The following PLEKHH2 variants were observed in gnomAD, a reference collection of about 807,000 sequenced individuals.
PLEKHH2 encodes pleckstrin homology domain-containing family H member 2.
Under a neutral mutation model 187.9 loss-of-function variants are expected in PLEKHH2, and 129 were observed. That is an observed-to-expected ratio of 0.69 (90% CI 0.59 to 0.79). The LOEUF is 0.79. Among genes scored for constraint, PLEKHH2 ranks in the 30% least tolerant of loss-of-function variants. PLEKHH2 has a pLI of 0.00. For synonymous variants in PLEKHH2, 686 were observed against 605.6 expected (o/e 1.13, Z -1.95); for missense variants, 2,076 against 1,751.2 (o/e 1.19, Z -3.31).
chr2:43,740,570 T>TTA (rs1671517448), intron 20 of PLEKHH2, among the ~76,000 whole-genome samples: 1 of 152,218 alleles, frequency 6.6e-6, no homozygotes, highest in Non-Finnish European at 1.5e-5. Flanking sequence ...GGGCATGTGT[T>TTA]TTCTACTGTT....
At chr2:43,715,213 T>C (rs748889671) in intron 15 of PLEKHH2, among the ~76,000 whole-genome samples, 1 of 150,908 alleles carries the variant, frequency 6.6e-6, no homozygotes, top group Non-Finnish European at 1.5e-5. Context: ...GAGATGGAGG[T>C]TGAAATCAGC....
At chr2:43,678,759 G>GAGGTGGAGGCGGAGGTGC (rs1668005624) in intron 2 of PLEKHH2, 104 bp from the exon 3 acceptor site, 1 of 675,878 alleles carries the variant, frequency 1.5e-6, no homozygotes, top group African/African-American at 1.8e-5. Context: ...GGTGGAGGTG[G>GAGGTGGAGGCGGAGGTGC]AGGTGGAGGT....
At chr2:43,712,155 G>A (rs946157343) in intron 14 of PLEKHH2, 70 bp from the exon 15 acceptor site, 10 of 1,542,694 alleles carry the variant, frequency 6.5e-6, no homozygotes, top group African/African-American at 1.4e-5. Context: ...TTTGAATAAT[G>A]AACAAGGAAA....
chr2:43,719,076 C>A (rs1010756860), intron 15 of PLEKHH2, among the ~76,000 whole-genome samples: 4 of 152,180 alleles, frequency 2.6e-5, no homozygotes, highest in African/African-American at 9.7e-5. Context: ...TCATTTGGTT[C>A]TCACAACAGC....
At position 43,675,788 on chromosome 2, in the gene PLEKHH2, C is replaced by T. The variant is rs1192452431; in HGVS notation, c.124-3075C>T. On this transcript the variant is annotated intron_variant, in intron 2 of 29. Coordinates refer to ENST00000282406, the MANE Select transcript of PLEKHH2 (RefSeq NM_172069.4). Reference sequence around the variant, plus strand: ...AAGACAATCCCTCCTTCCACAGTCACGTATTCGAGGTCTCCAAATATAACA... The same window carrying T: ...AAGACAATCCCTCCTTCCACAGTCATGTATTCGAGGTCTCCAAATATAACA... 4.0e-5 allele frequency: 64 copies of T among 1,613,542 alleles called. No individual in the cohort carries two copies. Among genetic ancestry groups the T allele is most frequent in the Non-Finnish European group, 5.1e-5 (60 of 1,179,730 alleles).
At chr2:43,702,703 T>G (rs181114238) in intron 8 of PLEKHH2, among the ~76,000 whole-genome samples, 1 of 152,234 alleles carries the variant, frequency 6.6e-6, no homozygotes, top group African/African-American at 2.4e-5. Flanking sequence ...TGTATTCTAA[T>G]TGCCTCAATA....
intron 15 of PLEKHH2, among the ~76,000 whole-genome samples, chr2:43,717,052 G>A (rs142761319): frequency 6.6e-6 from 1 of 152,170 alleles, no homozygotes; most frequent in East Asian, 1.9e-4. Flanking sequence ...AAGGACATGG[G>A]GCCAGGAGGG....
intron 9 of PLEKHH2, among the ~76,000 whole-genome samples, chr2:43,704,574 G>A (rs1214105721): frequency 6.7e-6 from 1 of 150,248 alleles, no homozygotes; most frequent in African/African-American, 2.5e-5. Context: ...GAGGCAGGAG[G>A]ATGGCGTGAA....
chr2:43,760,388 A>T (rs1265437591), intron 27 of PLEKHH2, among the ~76,000 whole-genome samples: 8 of 113,096 alleles, frequency 7.1e-5, no homozygotes, highest in African/African-American at 3.0e-4. Flanking sequence ...TTTGAGACGG[A>T]GTCTCACTCT....
At chr2:43,744,771 G>C (rs938879297) in intron 23 of PLEKHH2, among the ~76,000 whole-genome samples, 3 of 151,434 alleles carry the variant, frequency 2.0e-5, no homozygotes, top group African/African-American at 7.3e-5. Flanking sequence ...TGGAAGCTGA[G>C]GCACTAGAAT....
intron 15 of PLEKHH2, among the ~76,000 whole-genome samples, chr2:43,720,131 C>G (rs912470995): frequency 2.6e-5 from 4 of 152,176 alleles, no homozygotes; most frequent in Non-Finnish European, 5.9e-5. Flanking sequence ...TACATAATTT[C>G]CCATAATCCA....
intron 2 of PLEKHH2, chr2:43,676,044 T>G (rs1667757196): frequency 6.2e-7 from 1 of 1,613,910 alleles, no homozygotes; most frequent in African/African-American, 1.3e-5. Context: ...TGTCACAGTG[T>G]TTGGTCCAGG....
intron 16 of PLEKHH2, among the ~76,000 whole-genome samples, chr2:43,722,976 C>T (rs1670557390): frequency 6.6e-6 from 1 of 152,108 alleles, no homozygotes; most frequent in African/African-American, 2.4e-5. Flanking sequence ...TGCTTTTAAT[C>T]TGTATCAATG....
chr2:43,659,462 G>T (rs1259014723), intron 2 of PLEKHH2, among the ~76,000 whole-genome samples: 1 of 151,564 alleles, frequency 6.6e-6, no homozygotes, highest in African/African-American at 2.4e-5. Context: ...CTTTCACATG[G>T]TGTTATCATT....
At chr2:43,681,237 T>G (rs1471956636) in intron 3 of PLEKHH2, 6 of 656,032 alleles carry the variant, frequency 9.1e-6, no homozygotes, top group South Asian at 1.9e-5. Context: ...AAAGCGATCT[T>G]TTTTCCAATT....
chr2:43,689,873 T>A lies in PLEKHH2; in HGVS notation c.187-2641T>A, dbSNP rs1239934588. ...AGGGTAAAAGAGTAGTTCCAAACCATAGTTTTTCAGGTCTATAGACCTTTC... is the reference window on the plus strand; with the variant it reads ...AGGGTAAAAGAGTAGTTCCAAACCAAAGTTTTTCAGGTCTATAGACCTTTC... On this transcript the variant is annotated intron_variant, in intron 3 of 29. Coordinates refer to ENST00000282406, the MANE Select transcript of PLEKHH2 (RefSeq NM_172069.4). Among the ~76,000 whole-genome samples, 4 of 152,224 alleles carry A rather than the reference T, an allele frequency of 2.6e-5. No individual in the cohort carries two copies. In the East Asian group the frequency reaches 7.7e-4, roughly 29 times the overall value.
chr2:43,707,006 G>GC (rs1669691169), intron 10 of PLEKHH2, among the ~76,000 whole-genome samples: 1 of 151,938 alleles, frequency 6.6e-6, no homozygotes, highest in South Asian at 2.1e-4. Context: ...GACCAGCCTG[G>GC]CCAACATGGC....
At chr2:43,703,149 T>C (rs1669473084) in intron 8 of PLEKHH2, among the ~76,000 whole-genome samples, 2 of 152,206 alleles carry the variant, frequency 1.3e-5, no homozygotes, top group African/African-American at 4.8e-5. Flanking sequence ...ACTGGCTGTC[T>C]TGAAGAGGAT....
chr2:43,697,925 T>C (rs1453848147), intron 7 of PLEKHH2, among the ~76,000 whole-genome samples: 1 of 152,046 alleles, frequency 6.6e-6, no homozygotes, highest in Non-Finnish European at 1.5e-5. Flanking sequence ...TACAGATTTC[T>C]ACTCTTCTTC....
Sources: allele counts gnomAD v4.1 joint callset (sites outside exome capture counted in the v4.1 genomes callset), GRCh38; gene constraint gnomAD v4.1.1; transcripts MANE v1.5; gene names NCBI Gene and HGNC (gene_info 2026-07-23, HGNC 2026-07-21).